The following CCND3 variants were observed in gnomAD, a reference collection of about 807,000 sequenced individuals.
The protein encoded by CCND3 is cyclin D3, also known as G1/S-specific cyclin-D3.
CCND3 carries 9 observed loss-of-function variants against 28.7 expected under a neutral mutation model. That is an observed-to-expected ratio of 0.31 (90% CI 0.19 to 0.55). CCND3 has a LOEUF of 0.55. Ranked by LOEUF, CCND3 falls within the 20% of genes least tolerant of loss-of-function variation. CCND3 has a pLI of 0.93. For synonymous variants in CCND3, 164 were observed against 163.9 expected (o/e 1.00, Z 0.00); for missense variants, 315 against 385.8 (o/e 0.82, Z 1.54).
At chr6:42,040,081 G>T (rs1251578286) in intron 1 of CCND3, among the ~76,000 whole-genome samples, 1 of 152,186 alleles carries the variant, frequency 6.6e-6, no homozygotes, top group Non-Finnish European at 1.5e-5. Context: ...CTGGTAGGTG[G>T]ATACACATGT....
intron 1 of CCND3, among the ~76,000 whole-genome samples, chr6:42,012,278 C>T (rs1200112531): frequency 3.3e-5 from 5 of 151,818 alleles, no homozygotes; most frequent in African/African-American, 7.3e-5. Flanking sequence ...TGGTGGCGGG[C>T]GCCTCTAATC....
intron 1 of CCND3, among the ~76,000 whole-genome samples, chr6:41,969,119 C>T (rs75759161): frequency 6.6e-6 from 1 of 152,144 alleles, no homozygotes; most frequent in African/African-American, 2.4e-5. Flanking sequence ...TTAAAGACGG[C>T]TCCCCAGATT....
At chr6:41,990,112 C>CA (rs1156525402) in intron 1 of CCND3, among the ~76,000 whole-genome samples, 4 of 151,712 alleles carry the variant, frequency 2.6e-5, no homozygotes, top group Non-Finnish European at 5.9e-5. Flanking sequence ...TTGCAGGATA[C>CA]AAAATCAACA....
chr6:41,950,106 AG>A (rs1776267321), intron 1 of CCND3, among the ~76,000 whole-genome samples: 1 of 151,164 alleles, frequency 6.6e-6, no homozygotes, highest in African/African-American at 2.4e-5. Flanking sequence ...AAAAAAAAAA[AG>A]AATACAACCT....
At chr6:41,969,644 G>A (rs951149398) in intron 1 of CCND3, among the ~76,000 whole-genome samples, 71 of 152,276 alleles carry the variant, frequency 4.7e-4, no homozygotes, top group African/African-American at 1.6e-3. Context: ...ACTGAGGCAG[G>A]AGAATCGCTT....
chr6:41,998,753 C>G (rs1762893324), intron 1 of CCND3, among the ~76,000 whole-genome samples: 2 of 151,858 alleles, frequency 1.3e-5, no homozygotes, highest in Admixed American at 1.3e-4. Flanking sequence ...GATCTTGCCT[C>G]ACCGCAACCT....
chr6:41,981,177 T>C (rs1762335856), intron 1 of CCND3, among the ~76,000 whole-genome samples: 1 of 152,122 alleles, frequency 6.6e-6, no homozygotes, highest in South Asian at 2.1e-4. Flanking sequence ...TTATAGCAAG[T>C]TGCAGGATAT....
At position 42,042,894 on chromosome 6, in the gene CCND3, A is replaced by C. The variant is rs115201044; in HGVS notation, c.-46+5607T>G. 7.0e-3 allele frequency among the ~76,000 whole-genome samples: 1,063 copies of C among 152,342 alleles called. 15 individuals carry two copies. The highest frequency in any genetic ancestry group is 0.024 in the African/African-American group (996 of 41,590). ...CAAAGAAACTTTCACACAGCCAGAA[A>C]GGAGCTGAGCTAGGACTCGAAGTGG... On this transcript the variant is annotated intron_variant, in intron 1 of 4. Transcript: ENST00000372988.
chr6:41,970,322 A>G (rs1220803123), intron 1 of CCND3, among the ~76,000 whole-genome samples: 1 of 152,206 alleles, frequency 6.6e-6, no homozygotes, highest in Non-Finnish European at 1.5e-5. Context: ...CTGGTGACAG[A>G]GCGAGACTCC....
chr6:42,029,983 C>G (rs1344582057), intron 1 of CCND3: 11 of 152,288 alleles, frequency 7.2e-5, no homozygotes. Context: ...GCAAAGATGT[C>G]CAATGTACCT....
chr6:42,033,457 A>AT (rs567346641), intron 1 of CCND3, among the ~76,000 whole-genome samples: 14,640 of 141,770 alleles, frequency 0.1, 953 homozygotes, highest in East Asian at 0.24. Flanking sequence ...CTAAAAAAAA[A>AT]ATATATATAT....
At chr6:42,046,860 C>T (rs943603959) in intron 1 of CCND3, among the ~76,000 whole-genome samples, 1 of 152,162 alleles carries the variant, frequency 6.6e-6, no homozygotes, top group Non-Finnish European at 1.5e-5. Flanking sequence ...TTGTGGTCAG[C>T]GAAGGAGGCA....
Position 41,995,890 on chromosome 6 carries a change from T to C in CCND3, c.-46+52611A>G, listed in dbSNP as rs187058296. Among the ~76,000 whole-genome samples, 434 of 151,818 alleles carry C rather than the reference T, an allele frequency of 2.9e-3. 2 individuals are homozygous for C. The highest frequency in any genetic ancestry group is 0.01 in the African/African-American group (417 of 41,484). On this transcript the variant is annotated intron_variant, in intron 1 of 4. Coordinates refer to the CCND3 transcript ENST00000372988. ...CCAACACAGAGAGACCCTGTCTCTATTTCTTTTTAATAATACTAAAAATTT... is the reference window on the plus strand; with the variant it reads ...CCAACACAGAGAGACCCTGTCTCTACTTCTTTTTAATAATACTAAAAATTT...
intron 1 of CCND3, among the ~76,000 whole-genome samples, chr6:42,021,285 G>A (rs1269225336): frequency 2.6e-5 from 4 of 152,212 alleles, no homozygotes; most frequent in Non-Finnish European, 4.4e-5. Flanking sequence ...GGTACTATCC[G>A]CTGTTCCAGG....
intron 1 of CCND3, among the ~76,000 whole-genome samples, chr6:42,014,239 C>T (rs1305036918): frequency 1.3e-5 from 2 of 151,546 alleles, no homozygotes; most frequent in African/African-American, 4.9e-5. Context: ...AAGTGGTGGG[C>T]GCCTGTAGTC....
At chr6:42,025,318 C>T (rs1024947037) in intron 1 of CCND3, among the ~76,000 whole-genome samples, 2 of 152,148 alleles carry the variant, frequency 1.3e-5, no homozygotes, top group East Asian at 3.9e-4. Flanking sequence ...ACCAAGGCCT[C>T]ACAGAGGAAG....
intron 1 of CCND3, among the ~76,000 whole-genome samples, chr6:41,948,306 T>C (rs531400395): frequency 4.0e-4 from 61 of 151,920 alleles, no homozygotes; most frequent in Middle Eastern, 3.4e-3. Context: ...GGTATCCAGT[T>C]CATAGTAGAT....
At chr6:42,046,880 A>G (rs1325089485) in intron 1 of CCND3, among the ~76,000 whole-genome samples, 2 of 152,214 alleles carry the variant, frequency 1.3e-5, no homozygotes, top group South Asian at 4.1e-4. Context: ...AGGCTAGCCT[A>G]ATGGTTAAGA....
intron 1 of CCND3, among the ~76,000 whole-genome samples, chr6:42,037,477 C>T (rs990613168): frequency 5.9e-5 from 9 of 151,602 alleles, no homozygotes; most frequent in Non-Finnish European, 1.3e-4. Flanking sequence ...CCTTGTGATC[C>T]GCCCGCCTCG....
Sources: gnomAD v4.1 joint callset for allele counts (sites outside exome capture counted in the v4.1 genomes callset) on GRCh38, gnomAD v4.1.1 for gene constraint, MANE v1.5 for transcripts, NCBI Gene and HGNC (gene_info 2026-07-23, HGNC 2026-07-21) for gene names.